Variants in CATSPERQ observed in about 807,000 individuals in gnomAD.
The protein encoded by CATSPERQ is cation channel sperm-associated auxiliary subunit theta.
the CATSPERQ span, chr8:144,354,922 G>A: frequency 1.6e-6 from 2 of 1,281,978 alleles, no homozygotes; most frequent in Non-Finnish European, 2.1e-6. The surrounding 1 kb of genome is among the most constrained non-coding windows in gnomAD (Gnocchi z 4.6). Flanking sequence ...GCGAGGCCAG[G>A]GAGCGGCCCA....
the CATSPERQ span, chr8:144,354,480 C>T: frequency 2.9e-5 from 39 of 1,327,094 alleles, no homozygotes; most frequent in Middle Eastern, 8.1e-4. This position sits in a 1 kb window ranked among gnomAD's most constrained non-coding sequence, Gnocchi z 4.6. Context: ...GGAGCACCGG[C>T]CGGCCCCACC....
chr8:144,353,568 C>T, the CATSPERQ span: 5 of 1,505,820 alleles, frequency 3.3e-6, no homozygotes, highest in Non-Finnish European at 4.4e-6. Context: ...CGGGACAGGA[C>T]AGACCCGAGT....
chr8:144,354,729 G>A, the CATSPERQ span: 1 of 1,535,714 alleles, frequency 6.5e-7, no homozygotes, highest in South Asian at 1.2e-5. This position sits in a 1 kb window ranked among gnomAD's most constrained non-coding sequence, Gnocchi z 4.6. Flanking sequence ...GCCAGCCGAT[G>A]GAGGTCGTGG....
the CATSPERQ span, chr8:144,354,902 T>A: frequency 1.4e-6 from 2 of 1,391,114 alleles, no homozygotes; most frequent in Admixed American, 5.2e-5. The surrounding 1 kb of genome is among the most constrained non-coding windows in gnomAD (Gnocchi z 4.6). Context: ...CACAGGCGAC[T>A]GACAGGGCAG....
At chr8:144,353,473 C>G in the CATSPERQ span, 31 of 1,535,732 alleles carry the variant, frequency 2.0e-5, no homozygotes, top group African/African-American at 2.7e-5. Flanking sequence ...GCCAGGTAGT[C>G]GAAGTAGTTG....
the CATSPERQ span, chr8:144,354,307 T>C: frequency 2.0e-6 from 3 of 1,533,832 alleles, no homozygotes; most frequent in Non-Finnish European, 2.6e-6. This position sits in a 1 kb window ranked among gnomAD's most constrained non-coding sequence, Gnocchi z 4.6. Context: ...CCACAGTGTG[T>C]CCAGGTAGTA....
the CATSPERQ span, chr8:144,353,548 C>A: frequency 2.0e-6 from 3 of 1,525,190 alleles, no homozygotes; most frequent in Non-Finnish European, 1.8e-6. Context: ...AGGTGGCGCT[C>A]AACTGGGGCC....
At chr8:144,353,550 A>C in the CATSPERQ span, 1 of 1,524,934 alleles carries the variant, frequency 6.6e-7, no homozygotes, top group Non-Finnish European at 8.8e-7. Flanking sequence ...GTGGCGCTCA[A>C]CTGGGGCCGG....
At chr8:144,353,440 G>A in the CATSPERQ span, 6 of 1,535,976 alleles carry the variant, frequency 3.9e-6, no homozygotes, top group Admixed American at 2.0e-5. Flanking sequence ...GGCCAGTGGC[G>A]AACCACGTGC....
At chr8:144,354,245 G>A in the CATSPERQ span, 3 of 1,541,468 alleles carry the variant, frequency 1.9e-6, no homozygotes, top group South Asian at 1.2e-5. This position sits in a 1 kb window ranked among gnomAD's most constrained non-coding sequence, Gnocchi z 4.6. Flanking sequence ...ACCTCTCTCA[G>A]GGAGCTGAAG....
chr8:144,354,551 T>TCCCACCAGCCCCCCCCCCCCCCCC, the CATSPERQ span: 1 of 1,224,578 alleles, frequency 8.2e-7, no homozygotes, highest in East Asian at 2.8e-5. The surrounding 1 kb of genome is among the most constrained non-coding windows in gnomAD (Gnocchi z 4.6). Flanking sequence ...CGGGCCCGTC[T>TCCCACCAGCCCCCCCCCCCCCCCC]CCCTCCTCCC....
At chr8:144,354,578 A>ACCCCCCCCCCCCCCCCCCC in the CATSPERQ span, 1 of 221,158 alleles carries the variant, frequency 4.5e-6, no homozygotes, top group Non-Finnish European at 7.0e-6. The surrounding 1 kb of genome is among the most constrained non-coding windows in gnomAD (Gnocchi z 4.6). Context: ...CGCCCTTCCC[A>ACCCCCCCCCCCCCCCCCCC]GCCCCGCCCC....
the CATSPERQ span, chr8:144,354,902 T>C: frequency 7.2e-7 from 1 of 1,391,232 alleles, no homozygotes; most frequent in Non-Finnish European, 9.5e-7. The surrounding 1 kb of genome is among the most constrained non-coding windows in gnomAD (Gnocchi z 4.6). Context: ...CACAGGCGAC[T>C]GACAGGGCAG....
chr8:144,353,970 C>T, the CATSPERQ span: 2 of 1,533,346 alleles, frequency 1.3e-6, no homozygotes, highest in East Asian at 2.4e-5. Flanking sequence ...AGCTGAGCGC[C>T]AGGCGCACGT....
chr8:144,354,863 G>A, the CATSPERQ span: 1 of 1,472,280 alleles, frequency 6.8e-7, no homozygotes, highest in South Asian at 1.3e-5. This position sits in a 1 kb window ranked among gnomAD's most constrained non-coding sequence, Gnocchi z 4.6. Flanking sequence ...AATTCTCCAG[G>A]GCTGCAGGCC....
the CATSPERQ span, chr8:144,353,419 C>G: frequency 3.3e-6 from 5 of 1,535,868 alleles, no homozygotes; most frequent in African/African-American, 4.1e-5. Flanking sequence ...ACAGTGCCAG[C>G]GCCAGGGGGT....
At chr8:144,353,467 G>A in the CATSPERQ span, 4 of 1,535,840 alleles carry the variant, frequency 2.6e-6, no homozygotes, top group Non-Finnish European at 2.6e-6. Context: ...GAGGTGGCCA[G>A]GTAGTCGAAG....
At chr8:144,354,636 G>A in the CATSPERQ span, 785,939 of 1,525,086 alleles carry the variant, frequency 0.52, 204,199 homozygotes, top group Middle Eastern at 0.63. This position sits in a 1 kb window ranked among gnomAD's most constrained non-coding sequence, Gnocchi z 4.6. Flanking sequence ...CCTGCTGCAC[G>A]AATGGGTAGA....
chr8:144,353,971 A>G, the CATSPERQ span: 1 of 1,533,140 alleles, frequency 6.5e-7, no homozygotes. Context: ...GCTGAGCGCC[A>G]GGCGCACGTA....
Sources: allele counts gnomAD v4.1 joint callset, GRCh38; gene constraint gnomAD v4.1.1; non-coding constraint Gnocchi (gnomAD v3.1); transcripts MANE v1.5; gene names NCBI Gene and HGNC (gene_info 2026-07-23, HGNC 2026-07-21).